Variants in ZSCAN1 observed in about 807,000 individuals in gnomAD.
ZSCAN1 encodes the protein zinc finger and SCAN domain-containing protein 1.
ZSCAN1 carries 23 observed loss-of-function variants against 23.8 expected under a neutral mutation model. The ratio of observed to expected loss-of-function variants is 0.97; its 90% CI spans 0.70 to 1.37. The LOEUF is 1.37. Ranked by LOEUF, ZSCAN1 falls within the 40% of genes most tolerant of loss-of-function variation. The pLI is 0.00. For missense variants in ZSCAN1, 575 were observed against 554.0 expected, an observed-to-expected ratio of 1.04 and a Z score of -0.38; for synonymous variants, 236 against 232.3, an observed-to-expected ratio of 1.02 and a Z score of -0.15.
Position 58,053,620 on chromosome 19 carries a change from A to G in ZSCAN1, c.796A>G (p.Lys266Glu). ...DQSGRHQPSL[K>E]HTKGGTQEAV... is the part of the protein sequence containing the mutation. ...GAGCGGCCGCCACCAGCCATCCCTC[A>G]AGCACACCAAAGGTGGTACCCAAGA... Residue 266 changes from lysine (K) to glutamate (E), a missense_variant, in exon 6 of 6, where the codon AAG (lysine) becomes GAG (glutamate). By Grantham distance (56) the Lys-to-Glu change is moderately conservative. Transcript: ENST00000282326. This position sits in a 1 kb window ranked among gnomAD's most constrained non-coding sequence, Gnocchi z 5.8. The G allele has an allele frequency of 1.2e-6, 2 of 1,613,992 alleles. No individual in the cohort carries two copies.
rs144381428 is a variant in ZSCAN1 at position 58,053,904 on chromosome 19, C to T, written c.1080C>T (p.Ser360=). 18 of 1,612,948 alleles carry T rather than the reference C, an allele frequency of 1.1e-5. No individual in the cohort carries two copies. Among genetic ancestry groups the T allele is most frequent in the South Asian group, 2.2e-5 (2 of 91,044 alleles). ...KAPRSKGPRE[S]VPPRDGAQGP... The stretch of plus-strand genomic sequence containing the variant: ...CCCGGAGCAAGGGCCCCCGGGAGTC[C>T]GTCCCACCCAGGGATGGAGCCCAGG... Residue 360 remains serine, a synonymous_variant, in exon 6 of 6, where the codon TCC becomes TCT. Coordinates refer to ENST00000282326, the MANE Select transcript of ZSCAN1 (RefSeq NM_182572.4). The surrounding 1 kb of genome is among the most constrained non-coding windows in gnomAD (Gnocchi z 5.8).
chr19:58,037,987 G>T lies in ZSCAN1; in HGVS notation c.151G>T (p.Gly51Trp). ...GCAGTTCCAGTACCACGTGGCGAGCGGGCCGCACCTCGCGCTGGGCCAGCT... is the reference window on the plus strand; with the variant it reads ...GCAGTTCCAGTACCACGTGGCGAGCTGGCCGCACCTCGCGCTGGGCCAGCT... ...FRQFQYHVAS[G>W]PHLALGQLWT... Residue 51 changes from glycine to tryptophan, a missense_variant, in exon 3 of 6, where the codon GGG becomes TGG. Coordinates refer to ENST00000282326, the MANE Select transcript of ZSCAN1 (RefSeq NM_182572.4). 1.2e-6 allele frequency: 2 copies of T among 1,608,280 alleles called. No homozygotes were observed. Among genetic ancestry groups the T allele is most frequent in the African/African-American group, 2.7e-5 (2 of 75,024 alleles).
Position 58,047,167 on chromosome 19 carries a change from G to A in ZSCAN1, c.466-5323G>A, listed in dbSNP as rs2073831732. 6.6e-6 allele frequency among the ~76,000 whole-genome samples: 1 copy of A among 152,190 alleles called. No individual in the cohort carries two copies. Among genetic ancestry groups the A allele is most frequent in the Admixed American group, 6.5e-5 (1 of 15,278 alleles). ...CTGGCTGCTACGCCCACCCTCAGAG[G>A]CGTCAGGAGACACAGCCTGGCCCCC... On this transcript the variant is annotated intron_variant, in intron 4 of 5. Coordinates refer to ENST00000282326, the MANE Select transcript of ZSCAN1 (RefSeq NM_182572.4). The surrounding 1 kb of genome is among the most constrained non-coding windows in gnomAD (Gnocchi z 4.9).
chr19:58,053,769 C>G lies in ZSCAN1; in HGVS notation c.945C>G (p.Arg315=), dbSNP rs370513764. Residue 315 remains arginine, a synonymous_variant, in exon 6 of 6, where the codon CGC becomes CGG. Coordinates refer to ENST00000282326, the MANE Select transcript of ZSCAN1 (RefSeq NM_182572.4). This position sits in a 1 kb window ranked among gnomAD's most constrained non-coding sequence, Gnocchi z 5.8. ...TCATCGAGCACCAGAAGACCCATCG[C>G]GAGGAAGGGCCCTTTCCGTGCCCCG... ...THFIEHQKTH[R]EEGPFPCPEC... The G allele has an allele frequency of 1.2e-6, 2 of 1,613,884 alleles. No individual in the cohort carries two copies. Among genetic ancestry groups the G allele is most frequent in the Non-Finnish European group, 1.7e-6 (2 of 1,179,958 alleles).
chr19:58,045,823 AC>A lies in ZSCAN1; in HGVS notation c.465+5281del. On this transcript the variant is annotated intron_variant, in intron 4 of 5. Coordinates refer to ENST00000282326, the MANE Select transcript of ZSCAN1 (RefSeq NM_182572.4). This position sits in a 1 kb window ranked among gnomAD's most constrained non-coding sequence, Gnocchi z 4.3. ...CACATCGCTGCTCATCCTGTCCCGG[AC>A]CATGTAGCTCCCGGACACCCTCTTG... 6.8e-7 allele frequency: 1 copy of A among 1,461,182 alleles called. No individual in the cohort carries two copies. Among genetic ancestry groups the A allele is most frequent in the Non-Finnish European group, 9.6e-7 (1 of 1,041,186 alleles). The allele number at this position is 1,461,182 out of a possible 1,614,324, so 90.5% of individuals were successfully genotyped here.
chr19:58,046,639 G>C, intron 4 of ZSCAN1: 1 of 868,242 alleles, frequency 1.2e-6, no homozygotes, highest in Non-Finnish European at 2.0e-6. Flanking sequence ...CAAGGTGATT[G>C]AGCTGGTGGA....
intron 3 of ZSCAN1, 53 bp downstream of exon 3, chr19:58,038,259 C>T (rs761646970): frequency 2.1e-5 from 32 of 1,549,350 alleles, no homozygotes; most frequent in African/African-American, 6.8e-5. Flanking sequence ...CTGACGTCTC[C>T]GAGGACCGAA....
chr19:58,053,418 G>A lies in ZSCAN1; in HGVS notation c.605-11G>A, dbSNP rs746289719. On this transcript the variant is annotated splice_polypyrimidine_tract_variant and intron_variant, in intron 5 of 5. Coordinates refer to ENST00000282326, the MANE Select transcript of ZSCAN1 (RefSeq NM_182572.4). This position sits in a 1 kb window ranked among gnomAD's most constrained non-coding sequence, Gnocchi z 5.8. The stretch of plus-strand genomic sequence containing the variant: ...TCACTACAGGTGACCCATCTCCCTC[G>A]CCCTCCACAGGGTCCCGGGCCCGCT... 7 of 1,600,530 alleles carry A rather than the reference G, an allele frequency of 4.4e-6. No individual in the cohort carries two copies. In the African/African-American group the frequency reaches 5.4e-5, roughly 12 times the overall value.
At chr19:58,051,224 G>C (rs1305486802) in intron 4 of ZSCAN1, among the ~76,000 whole-genome samples, 2 of 152,136 alleles carry the variant, frequency 1.3e-5, no homozygotes, top group African/African-American at 4.8e-5. Flanking sequence ...GGAAGAGCCT[G>C]ACTGTCCACA....
In ZSCAN1 at chr19:58,038,190, G is replaced by C. The variant is rs1484271148; in HGVS notation, c.354G>C (p.Gln118His). Reference protein sequence around the residue: ...EAASLVEDLTQMCQQEVLVSL... With the variant: ...EAASLVEDLTHMCQQEVLVSL... ...CCAGCCTGGTGGAGGACCTCACACA[G>C]ATGTGCCAGCAGGAAGGTGAGAGGC... Residue 118 changes from glutamine to histidine, a missense_variant, in exon 3 of 6, where the codon CAG becomes CAC. Gln to His is a conservative substitution (Grantham distance 24, BLOSUM62 0). Coordinates refer to ENST00000282326, the MANE Select transcript of ZSCAN1 (RefSeq NM_182572.4). 1.2e-6 allele frequency: 2 copies of C among 1,606,544 alleles called. No individual in the cohort carries two copies. Among genetic ancestry groups the C allele is most frequent in the East Asian group, 4.5e-5 (2 of 44,742 alleles).
intron 4 of ZSCAN1, among the ~76,000 whole-genome samples, chr19:58,041,829 T>C (rs1267588764): frequency 2.0e-5 from 3 of 152,090 alleles, no homozygotes; most frequent in Non-Finnish European, 4.4e-5. Flanking sequence ...TAAGCTATGA[T>C]CATGTTTCTA....
At position 58,037,967 on chromosome 19, in the gene ZSCAN1, TC is replaced by T; in HGVS notation, c.133del (p.Gln45SerfsTer23). The T allele has an allele frequency of 6.2e-7, 1 of 1,606,460 alleles. No individual in the cohort carries two copies. The highest frequency in any genetic ancestry group is 1.1e-5 in the South Asian group (1 of 91,010). ...GCCCAGCGTCTGCGCTTCCGGCAGT[TC>T]CAGTACCACGTGGCGAGCGGGCCGC... ...TEAQRLRFRQ[F>X]QYHVASGPHL... On this transcript the variant is annotated frameshift_variant, in exon 3 of 6. Coordinates refer to ENST00000282326, the MANE Select transcript of ZSCAN1 (RefSeq NM_182572.4). LOFTEE classifies it high-confidence loss of function.
chr19:58,034,239 C>G (rs1206177630), intron 1 of ZSCAN1, 78 bp downstream of exon 1: 1 of 151,148 alleles, frequency 6.6e-6, no homozygotes, highest in Admixed American at 6.6e-5. Flanking sequence ...GGTCTCGGCG[C>G]CGCGTCGGCG....
intron 4 of ZSCAN1, among the ~76,000 whole-genome samples, chr19:58,044,381 G>A (rs1350711919): frequency 1.3e-5 from 2 of 152,102 alleles, no homozygotes; most frequent in Non-Finnish European, 2.9e-5. Context: ...TAAAAGCTTT[G>A]TTTTAAAGAA....
In ZSCAN1 at chr19:58,037,798, T is replaced by G; in HGVS notation, c.-39T>G. The G allele has an allele frequency of 6.9e-7, 1 of 1,438,878 alleles. No individual in the cohort carries two copies. Among genetic ancestry groups the G allele is most frequent in the Non-Finnish European group, 9.1e-7 (1 of 1,099,804 alleles). The allele number at this position is 1,438,878 out of a possible 1,614,324, so 89.1% of individuals were successfully genotyped here. On this transcript the variant is annotated 5_prime_UTR_variant, in exon 3 of 6. Transcript: ENST00000282326. ...GGAGCCACTGGGACTCGGGATCCAG[T>G]CCACACACACCCCTCAGAGGGGCAC...
At position 58,045,407 on chromosome 19, in the gene ZSCAN1, C is replaced by A; in HGVS notation, c.465+4863C>A. On this transcript the variant is annotated intron_variant, in intron 4 of 5. Transcript: ENST00000282326. The surrounding 1 kb of genome is among the most constrained non-coding windows in gnomAD (Gnocchi z 4.3). Reference sequence around the variant, plus strand: ...CCATCCAGGAGATGGCCTTGAAGAACGAGGCAGCCAAGGGCAGTGCCACCA... The same window carrying A: ...CCATCCAGGAGATGGCCTTGAAGAAAGAGGCAGCCAAGGGCAGTGCCACCA... 1 of 981,064 alleles carries A rather than the reference C, an allele frequency of 1.0e-6. No individual in the cohort carries two copies. Among genetic ancestry groups the A allele is most frequent in the Non-Finnish European group, 1.7e-6 (1 of 601,584 alleles). 60.8% of individuals were successfully genotyped at this position (981,064 alleles called of 1,614,324 possible).
chr19:58,048,311 T>C (rs1035084714), intron 4 of ZSCAN1, among the ~76,000 whole-genome samples: 3 of 152,202 alleles, frequency 2.0e-5, no homozygotes, highest in African/African-American at 7.2e-5. Context: ...TCAAGCTGTG[T>C]TTCTTAATTA....
At chr19:58,043,927 A>G (rs565704302) in intron 4 of ZSCAN1, among the ~76,000 whole-genome samples, 1 of 151,912 alleles carries the variant, frequency 6.6e-6, no homozygotes, top group Non-Finnish European at 1.5e-5. Flanking sequence ...TCAGCCACCC[A>G]AAGTGCTGGA....
At chr19:58,046,186 AAGG>A (rs957425954) in intron 4 of ZSCAN1, 9 of 753,050 alleles carry the variant, frequency 1.2e-5, no homozygotes, top group Non-Finnish European at 2.2e-5. Flanking sequence ...AGAGATGACT[AAGG>A]AGGAGATCAG....
Sources: allele counts gnomAD v4.1 joint callset (sites outside exome capture counted in the v4.1 genomes callset), GRCh38; gene constraint gnomAD v4.1.1; non-coding constraint Gnocchi (gnomAD v3.1); transcripts MANE v1.5; gene names NCBI Gene and HGNC (gene_info 2026-07-23, HGNC 2026-07-21).